The following CNIH3 variants were observed in gnomAD, a reference collection of about 807,000 sequenced individuals.
CNIH3 encodes protein cornichon homolog 3.
CNIH3 carries 14 observed loss-of-function variants against 24.1 expected under a neutral mutation model. The observed-to-expected ratio is 0.58, with a 90% CI of 0.38 to 0.91. The LOEUF (loss-of-function observed/expected upper bound fraction) is 0.91. Among genes scored for constraint, CNIH3 ranks in the 40% least tolerant of loss-of-function variants. The pLI is 0.00. For missense variants in CNIH3, 178 were observed against 196.8 expected (o/e 0.90, Z 0.57); for synonymous variants, 68 against 73.8 (o/e 0.92, Z 0.40).
chr1:224,695,693 C>T (rs1263004830), intron 3 of CNIH3, among the ~76,000 whole-genome samples: 1 of 152,158 alleles, frequency 6.6e-6, no homozygotes, highest in Non-Finnish European at 1.5e-5. Context: ...AGCTTCTTAC[C>T]ACTGCCCTAG....
chr1:224,479,647 G>C (rs1394015598), intron 1 of CNIH3, among the ~76,000 whole-genome samples: 1 of 152,178 alleles, frequency 6.6e-6, no homozygotes, highest in Non-Finnish European at 1.5e-5. Context: ...AAAACAAAGG[G>C]GCTACAGGCC....
At chr1:224,465,453 A>G (rs921670762) in intron 1 of CNIH3, among the ~76,000 whole-genome samples, 4 of 152,136 alleles carry the variant, frequency 2.6e-5, no homozygotes, top group African/African-American at 9.7e-5. Context: ...TTCAAGTTAT[A>G]TTGTATCACT....
chr1:224,669,996 C>T (rs1685785331), intron 1 of CNIH3, among the ~76,000 whole-genome samples: 1 of 152,104 alleles, frequency 6.6e-6, no homozygotes, highest in Admixed American at 6.5e-5. Context: ...TATCCTGGTG[C>T]TATAGTCTGT....
At position 224,503,331 on chromosome 1, in the gene CNIH3, C is replaced by T. The variant is rs79448051; in HGVS notation, n.204-12410C>T. 7.8e-3 allele frequency among the ~76,000 whole-genome samples: 1,192 copies of T among 152,296 alleles called. 5 individuals carry two copies. Among genetic ancestry groups the T allele is most frequent in the Non-Finnish European group, 0.014 (949 of 68,026 alleles). On this transcript the variant is annotated intron_variant and non_coding_transcript_variant, in intron 1 of 5. Coordinates refer to the CNIH3 transcript ENST00000471578. ...TCCTTCCCTTGTCGGTCTTTTGGCCCTAATTCCTCTCTGTCTTTTCCTCCC... is the reference window on the plus strand; with the variant it reads ...TCCTTCCCTTGTCGGTCTTTTGGCCTTAATTCCTCTCTGTCTTTTCCTCCC...
chr1:224,590,543 T>C (rs1348059899), downstream of CNIH3, among the ~76,000 whole-genome samples: 1 of 152,130 alleles, frequency 6.6e-6, no homozygotes, highest in African/African-American at 2.4e-5. Context: ...CAGCATCTGG[T>C]GAGGGCCTTC....
chr1:224,609,667 G>T (rs952833043), intron 3 of CNIH3, among the ~76,000 whole-genome samples: 2 of 152,194 alleles, frequency 1.3e-5, no homozygotes, highest in Admixed American at 1.3e-4. Flanking sequence ...CTCGAATTTT[G>T]TGTTAAATGA....
chr1:224,474,180 C>T (rs575658673), intron 1 of CNIH3, among the ~76,000 whole-genome samples: 5 of 152,088 alleles, frequency 3.3e-5, no homozygotes, highest in East Asian at 1.9e-4. Context: ...GCCTGACCAA[C>T]GTGGAGAAAC....
chr1:224,617,847 C>A (rs74149626), intron 1 of CNIH3, among the ~76,000 whole-genome samples: 3,168 of 152,224 alleles, frequency 0.021, 98 homozygotes, highest in African/African-American at 0.07. Context: ...CTGGGAAGGG[C>A]AGGCATCATT....
chr1:224,662,994 T>C (rs922985496), intron 1 of CNIH3, among the ~76,000 whole-genome samples: 1 of 152,078 alleles, frequency 6.6e-6, no homozygotes, highest in Non-Finnish European at 1.5e-5. Flanking sequence ...GAACATCATG[T>C]ATGAGGTTGG....
intron 1 of CNIH3, among the ~76,000 whole-genome samples, chr1:224,464,272 A>G (rs948717089): frequency 2.0e-5 from 3 of 151,788 alleles, no homozygotes; most frequent in Admixed American, 6.6e-5. Context: ...GTTTTAGGTT[A>G]TTCATTTAGG....
rs187803348 is a variant in CNIH3 at position 224,510,319 on chromosome 1, G to A, written n.204-5422G>A. Among the ~76,000 whole-genome samples the A allele has an allele frequency of 1.5e-3, 225 of 152,254 alleles. 1 individual carries two copies. Among genetic ancestry groups the A allele is most frequent in the African/African-American group, 5.1e-3 (211 of 41,540 alleles). On this transcript the variant is annotated intron_variant and non_coding_transcript_variant, in intron 1 of 5. Coordinates refer to the CNIH3 transcript ENST00000471578. ...TCCTCAGCTGATGGGCAGGCATGGA[G>A]TGTCAGTAGGGGCGCCCCGTGGTCA...
intron 2 of CNIH3, among the ~76,000 whole-genome samples, chr1:224,531,500 A>G (rs1001400249): frequency 1.3e-4 from 20 of 152,248 alleles, no homozygotes; most frequent in African/African-American, 4.1e-4. Flanking sequence ...GCTCTAGGTC[A>G]TAGGGAATGT....
intron 1 of CNIH3, among the ~76,000 whole-genome samples, chr1:224,444,997 A>C (rs914898942): frequency 6.6e-6 from 1 of 150,732 alleles, no homozygotes; most frequent in African/African-American, 2.4e-5. Flanking sequence ...TGTAGAAAGG[A>C]GTATATACAT....
chr1:224,446,435 T>C (rs1327805794), intron 1 of CNIH3, among the ~76,000 whole-genome samples: 1 of 152,178 alleles, frequency 6.6e-6, no homozygotes, highest in East Asian at 1.9e-4. Flanking sequence ...TCTTTAAGTC[T>C]TTAATTTTTC....
At chr1:224,564,873 G>A (rs1260746270) in intron 3 of CNIH3, among the ~76,000 whole-genome samples, 1 of 152,184 alleles carries the variant, frequency 6.6e-6, no homozygotes, top group Non-Finnish European at 1.5e-5. Flanking sequence ...CAGCTCAATT[G>A]GCTCCTGACA....
chr1:224,574,524 G>A, intron 4 of CNIH3: 2 of 705,064 alleles, frequency 2.8e-6, no homozygotes, highest in Non-Finnish European at 5.2e-6. Flanking sequence ...GGTAACTGAG[G>A]CTGTGAAGGT....
At chr1:224,558,282 G>A (rs1404079862) in intron 3 of CNIH3, among the ~76,000 whole-genome samples, 1 of 152,146 alleles carries the variant, frequency 6.6e-6, no homozygotes, top group African/African-American at 2.4e-5. Flanking sequence ...CCACATGGAG[G>A]TCTCAGGGTT....
intron 2 of CNIH3, among the ~76,000 whole-genome samples, chr1:224,681,758 C>T (rs12060334): frequency 0.25 from 38,665 of 151,978 alleles, 5,180 homozygotes; most frequent in East Asian, 0.4. Context: ...GTCCATGTCC[C>T]GGAGCCAGAG....
intron 3 of CNIH3, among the ~76,000 whole-genome samples, chr1:224,594,785 C>T (rs1681909313): frequency 6.6e-6 from 1 of 152,212 alleles, no homozygotes; most frequent in African/African-American, 2.4e-5. Context: ...TTGTAGTGTG[C>T]AGGTCCCATA....
Sources: gnomAD v4.1 joint callset for allele counts (sites outside exome capture counted in the v4.1 genomes callset) on GRCh38, gnomAD v4.1.1 for gene constraint, MANE v1.5 for transcripts, NCBI Gene and HGNC (gene_info 2026-07-23, HGNC 2026-07-21) for gene names.